The following ZNF471 variants were observed in gnomAD, a reference collection of about 807,000 sequenced individuals.
The protein encoded by ZNF471 is EZFIT-related protein 1.
Under a neutral mutation model 13.7 loss-of-function variants are expected in ZNF471, and 7 were observed. The observed-to-expected ratio is 0.51, with a 90% CI of 0.29 to 0.96. The LOEUF is 0.96. Among genes scored for constraint, ZNF471 ranks in the 40% least tolerant of loss-of-function variants. The probability of loss-of-function intolerance (pLI) is 0.08; values close to 1 mark genes in which losing one functional copy is unlikely to be tolerated. For synonymous variants in ZNF471, 218 were observed against 235.6 expected (o/e 0.93, Z 0.68); for missense variants, 663 against 743.3 (o/e 0.89, Z 1.26).
At chr19:56,518,949 T>C (rs1252552830) in intron 4 of ZNF471, among the ~76,000 whole-genome samples, 1 of 152,218 alleles carries the variant, frequency 6.6e-6, no homozygotes, top group Non-Finnish European at 1.5e-5. Flanking sequence ...CAAATTATAA[T>C]GTACCCTGCT....
In ZNF471 at chr19:56,529,642, T is replaced by G. The variant is rs1489027742; in HGVS notation, c.*3694T>G. The G allele has an allele frequency of 6.6e-6, 1 of 152,186 alleles. No individual in the cohort carries two copies. Among genetic ancestry groups the G allele is most frequent in the Non-Finnish European group, 1.5e-5 (1 of 68,038 alleles). 9.4% of individuals were successfully genotyped at this position (152,186 alleles called of 1,614,324 possible). ...ATAAGGTGCACAGTCTTGCAGAGCATGTCAACAAAATTTATTGGATGAAGA... is the reference window on the plus strand; with the variant it reads ...ATAAGGTGCACAGTCTTGCAGAGCAGGTCAACAAAATTTATTGGATGAAGA... On this transcript the variant is annotated 3_prime_UTR_variant, in exon 5 of 5. Transcript: ENST00000308031.
At position 56,524,557 on chromosome 19, in the gene ZNF471, T is replaced by C. The variant is rs200679997; in HGVS notation, c.490T>C (p.Phe164Leu). 1.6e-4 allele frequency: 258 copies of C among 1,597,512 alleles called. No individual in the cohort carries two copies. Among genetic ancestry groups the C allele is most frequent in the Non-Finnish European group, 2.1e-4 (250 of 1,175,652 alleles). Residue 164 changes from phenylalanine to leucine, a missense_variant, in exon 5 of 5, where the codon TTT becomes CTT. By Grantham distance (22) the Phe-to-Leu change is conservative. Coordinates refer to ENST00000308031, the MANE Select transcript of ZNF471 (RefSeq NM_020813.4). This position sits in a 1 kb window ranked among gnomAD's most constrained non-coding sequence, Gnocchi z 4.8. ...TKETEFKYTKFGKCIHLENIE... is the reference protein window; with the variant it reads ...TKETEFKYTKLGKCIHLENIE... ...GGAAACAGAATTCAAATATACTAAATTTGGGAAATGTATCCATCTGGAAAA... is the reference window on the plus strand; with the variant it reads ...GGAAACAGAATTCAAATATACTAAACTTGGGAAATGTATCCATCTGGAAAA...
chr19:56,513,113 A>C (rs190949807), intron 2 of ZNF471, among the ~76,000 whole-genome samples: 28 of 152,098 alleles, frequency 1.8e-4, no homozygotes, highest in African/African-American at 2.6e-4. Context: ...AGTCCCCTCC[A>C]ATTTGCCCTA....
chr19:56,530,158 T>C lies in ZNF471; in HGVS notation c.*4210T>C. 1 of 152,252 alleles carries C rather than the reference T, an allele frequency of 6.6e-6. No individual in the cohort carries two copies. Among genetic ancestry groups the C allele is most frequent in the East Asian group, 1.9e-4 (1 of 5,204 alleles). The allele number at this position is 152,252 out of a possible 1,614,324, so 9.4% of individuals were successfully genotyped here. A position where few individuals can be genotyped will look rare whatever the true frequency, so the allele number is the denominator to read the frequency against. On this transcript the variant is annotated 3_prime_UTR_variant, in exon 5 of 5. Transcript: ENST00000308031. ...GTTTATGAACTGAGATGTAACTTCA[T>C]GACTAACATGATGACATCGTTATTA...
rs758973331 is a variant in ZNF471, at chr19:56,524,566, T to G, written c.499T>G (p.Cys167Gly). The G allele has an allele frequency of 1.7e-5, 27 of 1,596,148 alleles. No individual in the cohort carries two copies. Among genetic ancestry groups the G allele is most frequent in the Admixed American group, 9.1e-5 (5 of 54,972 alleles). Residue 167 changes from cysteine to glycine, a missense_variant, in exon 5 of 5, where the codon TGT (cysteine) becomes GGT (glycine). Cys to Gly is a radical substitution (Grantham distance 159). Coordinates refer to ENST00000308031, the MANE Select transcript of ZNF471 (RefSeq NM_020813.4). The surrounding 1 kb of genome is among the most constrained non-coding windows in gnomAD (Gnocchi z 4.8). ...TEFKYTKFGK[C>G]IHLENIEESI... ...ATTCAAATATACTAAATTTGGGAAA[T>G]GTATCCATCTGGAAAACATAGAAGA... is the stretch of plus-strand genomic sequence containing the variant.
In ZNF471 at chr19:56,510,096, C is replaced by G. The variant is rs898532888; in HGVS notation, c.-55-1421C>G. The G allele has an allele frequency of 1.2e-5, 12 of 985,384 alleles. No homozygotes were observed. In the East Asian group the frequency reaches 1.4e-3, roughly 112 times the overall value. 61.0% of individuals were successfully genotyped at this position (985,384 alleles called of 1,614,324 possible). A position where few individuals can be genotyped will look rare whatever the true frequency, so the allele number is the denominator to read the frequency against. On this transcript the variant is annotated intron_variant, in intron 1 of 4. Transcript: ENST00000308031. The surrounding 1 kb of genome is among the most constrained non-coding windows in gnomAD (Gnocchi z 4.3). ...GTGAGAGACTAGAGTATGTCTCTGT[C>G]TGGACTGGTAGGTTGTGAGAGGGTG...
chr19:56,529,915 C>T lies in ZNF471; in HGVS notation c.*3967C>T, dbSNP rs1027053599. ...TGTCAGCATTTTGAATATAATTACC[C>T]TTTGCCACAATTCTACACCTAGTCA... On this transcript the variant is annotated 3_prime_UTR_variant, in exon 5 of 5. Coordinates refer to ENST00000308031, the MANE Select transcript of ZNF471 (RefSeq NM_020813.4). 1 of 152,358 alleles carries T rather than the reference C, an allele frequency of 6.6e-6. No homozygotes were observed. Among genetic ancestry groups the T allele is most frequent in the African/African-American group, 2.4e-5 (1 of 41,588 alleles). The allele number at this position is 152,358 out of a possible 1,614,324, so 9.4% of individuals were successfully genotyped here. A position where few individuals can be genotyped will look rare whatever the true frequency, so the allele number is the denominator to read the frequency against.
Position 56,516,258 on chromosome 19 carries a change from T to A in ZNF471, c.34-17T>A, listed in dbSNP as rs1186184824. 6.2e-7 allele frequency: 1 copy of A among 1,611,764 alleles called. No homozygotes were observed. ...GACACGAGCATTGGTTGGTTAAGAATATATTTGTCACTTCAGGACTTAGTG... is the reference window on the plus strand; with the variant it reads ...GACACGAGCATTGGTTGGTTAAGAAAATATTTGTCACTTCAGGACTTAGTG... On this transcript the variant is annotated splice_polypyrimidine_tract_variant and intron_variant, in intron 2 of 4. Coordinates refer to ENST00000308031, the MANE Select transcript of ZNF471 (RefSeq NM_020813.4). This position sits in a 1 kb window ranked among gnomAD's most constrained non-coding sequence, Gnocchi z 4.4.
Position 56,525,243 on chromosome 19 carries a change from G to A in ZNF471, c.1176G>A (p.Leu392=), listed in dbSNP as rs1175809510. ...TCAGTGTTCACATAGGACTTATTCT[G>A]CATAGGAGAATTCATACAGGAGAGA... ...KAFSVHIGLI[L]HRRIHTGEKP... is the part of the protein sequence containing the mutation. Residue 392 remains leucine, a synonymous_variant, in exon 5 of 5, where the codon CTG becomes CTA. Coordinates refer to ENST00000308031, the MANE Select transcript of ZNF471 (RefSeq NM_020813.4). 2 of 1,613,986 alleles carry A rather than the reference G, an allele frequency of 1.2e-6. No homozygotes were observed. Among genetic ancestry groups the A allele is most frequent in the South Asian group, 2.2e-5 (2 of 91,080 alleles).
Position 56,511,567 on chromosome 19 carries a change from C to A in ZNF471, c.-5C>A, listed in dbSNP as rs768083832. The A allele has an allele frequency of 1.2e-6, 2 of 1,613,964 alleles. No homozygotes were observed. On this transcript the variant is annotated 5_prime_UTR_variant, in exon 2 of 5. Transcript: ENST00000308031. ...TCAAGAGAAAGACCAGAAGAGAAGGCAAAAATGAATGTTGAAGTAGTAAAA... is the reference window on the plus strand; with the variant it reads ...TCAAGAGAAAGACCAGAAGAGAAGGAAAAAATGAATGTTGAAGTAGTAAAA...
In ZNF471 at chr19:56,524,968, C is replaced by T. The variant is rs776097172; in HGVS notation, c.901C>T (p.Gln301Ter). Residue 301 changes from glutamine to a stop codon, truncating the protein, a stop_gained, in exon 5 of 5, where the codon CAG becomes TAG. Coordinates refer to ENST00000308031, the MANE Select transcript of ZNF471 (RefSeq NM_020813.4). LOFTEE classifies it low-confidence loss of function (END_TRUNC). The surrounding 1 kb of genome is among the most constrained non-coding windows in gnomAD (Gnocchi z 4.8). ...KCKECRKAFRQPAHLAQHQRI... is the reference protein window; with the variant it reads ...KCKECRKAFR ...TAAGGAATGCAGAAAAGCCTTCAGA[C>T]AGCCTGCACACCTTGCTCAGCATCA... is the stretch of plus-strand genomic sequence containing the variant. 2 of 1,614,138 alleles carry T rather than the reference C, an allele frequency of 1.2e-6. No individual in the cohort carries two copies. Among genetic ancestry groups the T allele is most frequent in the Non-Finnish European group, 1.7e-6 (2 of 1,180,032 alleles).
chr19:56,514,222 C>T (rs927431099), intron 2 of ZNF471, among the ~76,000 whole-genome samples: 1 of 151,848 alleles, frequency 6.6e-6, no homozygotes, highest in East Asian at 1.9e-4. Flanking sequence ...CCACCATGCA[C>T]AGCCAATTTT....
Position 56,527,917 on chromosome 19 carries a change from AC to A in ZNF471, c.*1970del, listed in dbSNP as rs2044067448. 1 of 152,222 alleles carries A rather than the reference AC, an allele frequency of 6.6e-6. No homozygotes were observed. The highest frequency in any genetic ancestry group is 1.5e-5 in the Non-Finnish European group (1 of 68,040). The allele number at this position is 152,222 out of a possible 1,614,324, so 9.4% of individuals were successfully genotyped here. A position where few individuals can be genotyped will look rare whatever the true frequency, so the allele number is the denominator to read the frequency against. On this transcript the variant is annotated 3_prime_UTR_variant, in exon 5 of 5. Transcript: ENST00000308031. ...ACTTCTTTTGGTTCCCCAGTCCAAAACACAGTCATTTCACCTGGACTATTTC... is the reference window on the plus strand; with the variant it reads ...ACTTCTTTTGGTTCCCCAGTCCAAAAACAGTCATTTCACCTGGACTATTTC...
intron 4 of ZNF471, among the ~76,000 whole-genome samples, chr19:56,521,793 A>T (rs922111647): frequency 1.3e-5 from 2 of 151,878 alleles, no homozygotes; most frequent in Non-Finnish European, 2.9e-5. Context: ...CTAAAAATAA[A>T]AAATTAGCTG....
chr19:56,508,417 G>C lies in ZNF471; in HGVS notation c.-56+497G>C, dbSNP rs2043764322. On this transcript the variant is annotated intron_variant, in intron 1 of 4. Transcript: ENST00000308031. This position sits in a 1 kb window ranked among gnomAD's most constrained non-coding sequence, Gnocchi z 4.7. ...GGTTGCGAGGTGTGTGGGTGTGTAA[G>C]TGTGTAACAGACCAGGTGTCCAGAG... Among the ~76,000 whole-genome samples the C allele has an allele frequency of 6.6e-6, 1 of 151,906 alleles. No individual in the cohort carries two copies. The highest frequency in any genetic ancestry group is 2.4e-5 in the African/African-American group (1 of 41,342).
intron 4 of ZNF471, among the ~76,000 whole-genome samples, chr19:56,523,160 A>C (rs1490225744): frequency 6.6e-6 from 1 of 152,236 alleles, no homozygotes; most frequent in Non-Finnish European, 1.5e-5. Context: ...ATCAACCTAC[A>C]TATCATTATA....
Position 56,510,386 on chromosome 19 carries a change from T to A in ZNF471, c.-55-1131T>A. Reference sequence around the variant, plus strand: ...CAAAATGGGTGAGAAAGAAACTATGTGAACCATGGTGTGTTATCCAAAAGG... The same window carrying A: ...CAAAATGGGTGAGAAAGAAACTATGAGAACCATGGTGTGTTATCCAAAAGG... On this transcript the variant is annotated intron_variant, in intron 1 of 4. Coordinates refer to ENST00000308031, the MANE Select transcript of ZNF471 (RefSeq NM_020813.4). The surrounding 1 kb of genome is among the most constrained non-coding windows in gnomAD (Gnocchi z 4.3). 1 of 985,498 alleles carries A rather than the reference T, an allele frequency of 1.0e-6. No individual in the cohort carries two copies. Among genetic ancestry groups the A allele is most frequent in the Non-Finnish European group, 1.2e-6 (1 of 829,974 alleles). The allele number at this position is 985,498 out of a possible 1,614,324, so 61.0% of individuals were successfully genotyped here.
rs2044090245 is a variant in ZNF471 at position 56,530,070 on chromosome 19, G to A, written c.*4122G>A. 1 of 152,220 alleles carries A rather than the reference G, an allele frequency of 6.6e-6. No homozygotes were observed. The highest frequency in any genetic ancestry group is 2.1e-4 in the South Asian group (1 of 4,838). The allele number at this position is 152,220 out of a possible 1,614,324, so 9.4% of individuals were successfully genotyped here. Reference sequence around the variant, plus strand: ...GGGTTACTTAAGTTACAGAAAATCAGTTTAGTAGATCACTGTGTAGTTACG... The same window carrying A: ...GGGTTACTTAAGTTACAGAAAATCAATTTAGTAGATCACTGTGTAGTTACG... On this transcript the variant is annotated 3_prime_UTR_variant, in exon 5 of 5. Coordinates refer to ENST00000308031, the MANE Select transcript of ZNF471 (RefSeq NM_020813.4).
At chr19:56,513,869 G>A (rs544956441) in intron 2 of ZNF471, among the ~76,000 whole-genome samples, 2 of 151,880 alleles carry the variant, frequency 1.3e-5, no homozygotes, top group African/African-American at 4.8e-5. Context: ...TTATTTTTTA[G>A]AATAGTTTTA....
Sources: gnomAD v4.1 joint callset for allele counts (sites outside exome capture counted in the v4.1 genomes callset) on GRCh38, gnomAD v4.1.1 for gene constraint, Gnocchi (gnomAD v3.1) non-coding constraint, MANE v1.5 for transcripts, NCBI Gene and HGNC (gene_info 2026-07-23, HGNC 2026-07-21) for gene names.